The following TAF5 variants were observed in gnomAD, a reference collection of about 807,000 sequenced individuals.
TAF5 encodes the protein TATA-box binding protein associated factor 5.
Under a neutral mutation model 80.9 loss-of-function variants are expected in TAF5, and 20 were observed. The observed-to-expected ratio is 0.25, with a 90% CI of 0.17 to 0.36. The LOEUF is 0.36. Among genes scored for constraint, TAF5 ranks in the 10% least tolerant of loss-of-function variants. The pLI, the probability that TAF5 is intolerant of heterozygous loss-of-function variation, is 1.00. For missense variants in TAF5, 863 were observed against 1,029.4 expected, an observed-to-expected ratio of 0.84 and a Z score of 2.21; for synonymous variants, 388 against 406.4, an observed-to-expected ratio of 0.95 and a Z score of 0.55.
intron 1 of TAF5, among the ~76,000 whole-genome samples, chr10:103,372,920 G>A (rs571828690): frequency 2.0e-5 from 3 of 150,626 alleles, no homozygotes; most frequent in Admixed American, 6.6e-5. Context: ...AAAAGACTAC[G>A]TGGGCCAGGT....
At chr10:103,372,630 G>C (rs1229437552) in intron 1 of TAF5, among the ~76,000 whole-genome samples, 1 of 149,912 alleles carries the variant, frequency 6.7e-6, no homozygotes, top group Non-Finnish European at 1.5e-5. Context: ...CACCGCACCC[G>C]GCGGCTCATA....
At chr10:103,372,230 G>T (rs1178167981) in intron 1 of TAF5, among the ~76,000 whole-genome samples, 1 of 151,082 alleles carries the variant, frequency 6.6e-6, no homozygotes, top group Non-Finnish European at 1.5e-5. Context: ...CCACCGTGTT[G>T]GCCTGTTATT....
chr10:103,373,446 A>C lies in TAF5; in HGVS notation c.648A>C (p.Glu216Asp). 1 of 1,614,154 alleles carries C rather than the reference A, an allele frequency of 6.2e-7. No homozygotes were observed. Among genetic ancestry groups the C allele is most frequent in the Non-Finnish European group, 8.5e-7 (1 of 1,179,982 alleles). The change falls in exon 2 of 11, where the codon GAA (glutamate) becomes GAC (aspartate). Residue 216 changes from glutamate to aspartate, a missense_variant. By Grantham distance (45) the Glu-to-Asp change is conservative. Transcript: ENST00000369839. The stretch of plus-strand genomic sequence containing the variant: ...AAGGAGATCCCACAATGTATGAAGA[A>C]TACTATAGTGGACTGAAACACTTCA... ...NQQGDPTMYE[E>D]YYSGLKHFIE...
At chr10:103,369,493 G>A (rs2093354153) in intron 1 of TAF5, among the ~76,000 whole-genome samples, 1 of 151,926 alleles carries the variant, frequency 6.6e-6, no homozygotes, top group South Asian at 2.1e-4. Context: ...CGAATAGGTG[G>A]GACTACTGGC....
At chr10:103,377,258 C>T (rs2093372218) in intron 2 of TAF5, among the ~76,000 whole-genome samples, 1 of 152,200 alleles carries the variant, frequency 6.6e-6, no homozygotes, top group Non-Finnish European at 1.5e-5. Context: ...TGGACAGTCT[C>T]ACCCCTTGCC....
rs570245358 is a variant in TAF5, at chr10:103,388,412, C to T, written c.*189C>T. ...ATAGCAACCACATTTGACTAATTTC[C>T]GTTAGTTGAATAAGAGGTATTATGA... is the stretch of plus-strand genomic sequence containing the variant. On this transcript the variant is annotated 3_prime_UTR_variant, in exon 11 of 11. Coordinates refer to ENST00000369839, the MANE Select transcript of TAF5 (RefSeq NM_006951.5). 27 of 540,522 alleles carry T rather than the reference C, an allele frequency of 5.0e-5. No homozygotes were observed. The highest frequency in any genetic ancestry group is 1.2e-4 in the South Asian group (5 of 40,882). The allele number at this position is 540,522 out of a possible 1,614,324, so 33.5% of individuals were successfully genotyped here. A position where few individuals can be genotyped will look rare whatever the true frequency, so the allele number is the denominator to read the frequency against.
rs1222346890 is a variant in TAF5 at position 103,368,556 on chromosome 10, G to A, written c.559+8G>A. 2 of 1,490,062 alleles carry A rather than the reference G, an allele frequency of 1.3e-6. No individual in the cohort carries two copies. Among genetic ancestry groups the A allele is most frequent in the Admixed American group, 2.3e-5 (1 of 44,188 alleles). The allele number at this position is 1,490,062 out of a possible 1,614,324, so 92.3% of individuals were successfully genotyped here. A position where few individuals can be genotyped will look rare whatever the true frequency, so the allele number is the denominator to read the frequency against. On this transcript the variant is annotated splice_region_variant and intron_variant, in intron 1 of 10. Coordinates refer to ENST00000369839, the MANE Select transcript of TAF5 (RefSeq NM_006951.5). ...CTGCGGCTCCGGGTAAAGGTGAGCC[G>A]TGGGGTCCCGGGTAGGTACGGCCGC...
At chr10:103,370,219 G>A (rs1030279765) in intron 1 of TAF5, among the ~76,000 whole-genome samples, 1 of 150,926 alleles carries the variant, frequency 6.6e-6, no homozygotes, top group Non-Finnish European at 1.5e-5. Flanking sequence ...GTGATAGAAC[G>A]AGACTCTGTC....
Position 103,385,358 on chromosome 10 carries a change from C to A in TAF5, c.1697C>A (p.Thr566Asn), listed in dbSNP as rs1349384477. 6.2e-7 allele frequency: 1 copy of A among 1,613,526 alleles called. No individual in the cohort carries two copies. Residue 566 changes from threonine to asparagine, a missense_variant, in exon 8 of 11, where the codon ACT (threonine) becomes AAT (asparagine). By Grantham distance (65) the Thr-to-Asn change is moderately conservative. This residue lies in a region of TAF5 where 368 missense variants were observed against 461.7 expected (regional missense o/e 0.80). Transcript: ENST00000369839. Reference sequence around the variant, plus strand: ...CTGCTTTCCTCTTCAGAGGACGGAACTGTTAGATTGTGGAGCCTTCAAACA... The same window carrying A: ...CTGCTTTCCTCTTCAGAGGACGGAAATGTTAGATTGTGGAGCCTTCAAACA... ...NYLLSSSEDG[T>N]VRLWSLQTFT...
At chr10:103,370,947 G>A (rs1047627436) in intron 1 of TAF5, among the ~76,000 whole-genome samples, 1 of 152,060 alleles carries the variant, frequency 6.6e-6, no homozygotes, top group Non-Finnish European at 1.5e-5. Flanking sequence ...AATGTGTGCA[G>A]ATGTGATTGA....
Position 103,373,560 on chromosome 10 carries a change from T to C in TAF5, c.762T>C (p.Asn254=), listed in dbSNP as rs1337727186. ...ACATGTACTTGGAGCTAGTCTACAATCAACATGAGAATGAAGCAAAGTCAT... is the reference window on the plus strand; with the variant it reads ...ACATGTACTTGGAGCTAGTCTACAACCAACATGAGAATGAAGCAAAGTCAT... ...FVHMYLELVY[N]QHENEAKSFF... is the part of the protein sequence containing the mutation. The change falls in exon 2 of 11, where the codon AAT becomes AAC. Residue 254 remains asparagine (N), a synonymous_variant. Transcript: ENST00000369839. 6.2e-7 allele frequency: 1 copy of C among 1,613,982 alleles called. No homozygotes were observed. Among genetic ancestry groups the C allele is most frequent in the East Asian group, 2.2e-5 (1 of 44,890 alleles).
Position 103,378,269 on chromosome 10 carries a change from G to T in TAF5, c.832G>T (p.Asp278Tyr). The T allele has an allele frequency of 6.2e-7, 1 of 1,613,968 alleles. No homozygotes were observed. Among genetic ancestry groups the T allele is most frequent in the South Asian group, 1.1e-5 (1 of 91,020 alleles). ...AGATCAGGAATGTTATTACCAGGATGACCTACGAGTATTATCTAGTCTTAC... is the reference window on the plus strand; with the variant it reads ...AGATCAGGAATGTTATTACCAGGATTACCTACGAGTATTATCTAGTCTTAC... ...HGDQECYYQDDLRVLSSLTKK... is the reference protein window; with the variant it reads ...HGDQECYYQDYLRVLSSLTKK... Residue 278 changes from aspartate to tyrosine, a missense_variant, in exon 3 of 11, where the codon GAC becomes TAC. Transcript: ENST00000369839. The surrounding 1 kb of genome is among the most constrained non-coding windows in gnomAD (Gnocchi z 4.1).
Position 103,368,494 on chromosome 10 carries a change from T to C in TAF5, c.505T>C (p.Ser169Pro). Residue 169 changes from serine to proline, a missense_variant, in exon 1 of 11, where the codon TCG (serine) becomes CCG (proline). By Grantham distance (74) the Ser-to-Pro change is moderately conservative (BLOSUM62 -1). Around this residue, in one of 3 missense-constraint regions of TAF5, gnomAD observed 367 missense variants for 335.5 expected, o/e 1.09. Coordinates refer to ENST00000369839, the MANE Select transcript of TAF5 (RefSeq NM_006951.5). ...AAPDPPGTGA[S>P]GATVVSGSAS... ...CCCCGACCCTCCGGGCACTGGCGCT[T>C]CGGGGGCCACGGTCGTCTCAGGTTC... 4.4e-6 allele frequency: 7 copies of C among 1,574,430 alleles called. No individual in the cohort carries two copies. The highest frequency in any genetic ancestry group is 6.0e-6 in the Non-Finnish European group (7 of 1,169,756).
At position 103,385,398 on chromosome 10, in the gene TAF5, G is replaced by A; in HGVS notation, c.1737G>A (p.Val579=). ...GCCTTCAAACATTTACTTGTTTGGTGGGATATAAAGGACACAACTATCCAG... is the reference window on the plus strand; with the variant it reads ...GCCTTCAAACATTTACTTGTTTGGTAGGATATAAAGGACACAACTATCCAG... The part of the protein sequence containing the change: ...LWSLQTFTCL[V]GYKGHNYPVW... The change falls in exon 8 of 11, where the codon GTG becomes GTA. Residue 579 remains valine, a synonymous_variant. Coordinates refer to ENST00000369839, the MANE Select transcript of TAF5 (RefSeq NM_006951.5). 6.2e-7 allele frequency: 1 copy of A among 1,613,950 alleles called. No individual in the cohort carries two copies. The highest frequency in any genetic ancestry group is 1.1e-5 in the South Asian group (1 of 91,060).
rs1410226127 is a variant in TAF5, at chr10:103,374,111, T to G, written c.797+516T>G. Among the ~76,000 whole-genome samples the G allele has an allele frequency of 6.6e-6, 1 of 152,068 alleles. No homozygotes were observed. The highest frequency in any genetic ancestry group is 1.5e-5 in the Non-Finnish European group (1 of 68,006). ...TCCTAAGAGCAGTAGGGAGTTGTAT[T>G]GGATAGGATTAGATTTGGTTGAGAG... On this transcript the variant is annotated intron_variant, in intron 2 of 10. Coordinates refer to ENST00000369839, the MANE Select transcript of TAF5 (RefSeq NM_006951.5). The surrounding 1 kb of genome is among the most constrained non-coding windows in gnomAD (Gnocchi z 4.3).
At chr10:103,371,705 G>A (rs568366665) in intron 1 of TAF5, among the ~76,000 whole-genome samples, 2 of 152,200 alleles carry the variant, frequency 1.3e-5, no homozygotes, top group Non-Finnish European at 2.9e-5. Context: ...AGGGGTAAGA[G>A]ATGTATATAA....
rs1427800348 is a variant in TAF5, at chr10:103,368,041, G to A, written c.52G>A (p.Glu18Lys). 4 of 1,453,032 alleles carry A rather than the reference G, an allele frequency of 2.8e-6. No homozygotes were observed. The highest frequency in any genetic ancestry group is 1.8e-6 in the Non-Finnish European group (2 of 1,106,744). The allele number at this position is 1,453,032 out of a possible 1,614,324, so 90.0% of individuals were successfully genotyped here. ...GGAGGTGGCGGTCAAGCTAGAGCCT[G>A]AGGGACCGCCAACGCTGCTACCTCC... is the stretch of plus-strand genomic sequence containing the variant. ...QTEVAVKLEP[E>K]GPPTLLPPQA... The change falls in exon 1 of 11, where the codon GAG becomes AAG. Residue 18 changes from glutamate to lysine, a missense_variant. Glu to Lys is a moderately conservative substitution (Grantham distance 56, BLOSUM62 1). Coordinates refer to ENST00000369839, the MANE Select transcript of TAF5 (RefSeq NM_006951.5).
In TAF5 at chr10:103,383,224, C is replaced by T; in HGVS notation, c.1535-14C>T. ...ATGTACTTATAAAATATCAATATTTCTGGACCATTTTAGATCTTAGTCTTA... is the reference window on the plus strand; with the variant it reads ...ATGTACTTATAAAATATCAATATTTTTGGACCATTTTAGATCTTAGTCTTA... On this transcript the variant is annotated splice_polypyrimidine_tract_variant and intron_variant, in intron 6 of 10. Transcript: ENST00000369839. 3 of 1,546,516 alleles carry T rather than the reference C, an allele frequency of 1.9e-6. No homozygotes were observed. Among genetic ancestry groups the T allele is most frequent in the Non-Finnish European group, 2.6e-6 (3 of 1,149,902 alleles).
chr10:103,385,707 C>G (rs1430154852), intron 8 of TAF5, among the ~76,000 whole-genome samples: 2 of 150,420 alleles, frequency 1.3e-5, no homozygotes, highest in African/African-American at 4.9e-5. Flanking sequence ...GATGGATCAC[C>G]TGAGGTCAAG....
Sources: allele counts gnomAD v4.1 joint callset (sites outside exome capture counted in the v4.1 genomes callset), GRCh38; gene constraint gnomAD v4.1.1; regional missense constraint gnomAD v4.1.1; non-coding constraint Gnocchi (gnomAD v3.1); transcripts MANE v1.5; gene names NCBI Gene and HGNC (gene_info 2026-07-23, HGNC 2026-07-21).